RALYL: variants seen among roughly 807,000 people sequenced by gnomAD.
The protein encoded by RALYL is RNA-binding Raly-like protein.
A neutral mutation model predicts 35.1 loss-of-function variants in RALYL; 29 were observed. The ratio of observed to expected loss-of-function variants is 0.83; its 90% CI spans 0.61 to 1.13. The LOEUF is 1.13. RALYL is among the 50% of genes most tolerant of loss of function. The pLI is 0.00. For synonymous variants in RALYL, 120 were observed against 127.6 expected (o/e 0.94, Z 0.40); for missense variants, 359 against 360.4 (o/e 1.00, Z 0.03).
At chr8:84,553,170 T>C (rs2060866390) in intron 2 of RALYL, among the ~76,000 whole-genome samples, 1 of 152,202 alleles carries the variant, frequency 6.6e-6, no homozygotes, top group Non-Finnish European at 1.5e-5. Flanking sequence ...TTTTCTTTTT[T>C]TGGGAGGGGG....
At chr8:84,769,177 T>A (rs1814819501) in intron 2 of RALYL, among the ~76,000 whole-genome samples, 1 of 152,192 alleles carries the variant, frequency 6.6e-6, no homozygotes, top group Non-Finnish European at 1.5e-5. Context: ...TAGAAATCTG[T>A]TTTTATTTTA....
chr8:84,395,587 T>C (rs1001388101), intron 1 of RALYL, among the ~76,000 whole-genome samples: 4 of 151,906 alleles, frequency 2.6e-5, no homozygotes, highest in Admixed American at 6.6e-5. Flanking sequence ...ATCAATAACA[T>C]TTTGTTGTTT....
chr8:84,592,016 T>G (rs1240221125), intron 2 of RALYL, among the ~76,000 whole-genome samples: 2 of 152,174 alleles, frequency 1.3e-5, no homozygotes, highest in African/African-American at 4.8e-5. Context: ...TTTTATATTT[T>G]ATTGTTTCTA....
At chr8:84,454,916 A>G (rs1341366272) in intron 1 of RALYL, among the ~76,000 whole-genome samples, 1 of 152,116 alleles carries the variant, frequency 6.6e-6, no homozygotes, top group Non-Finnish European at 1.5e-5. Context: ...GCTATGTACT[A>G]GAAATTAGAA....
At chr8:84,490,454 A>G (rs2055162575) in intron 1 of RALYL, among the ~76,000 whole-genome samples, 1 of 152,050 alleles carries the variant, frequency 6.6e-6, no homozygotes, top group South Asian at 2.1e-4. Context: ...CCTGAAGCCA[A>G]GCATCTTCGG....
intron 1 of RALYL, among the ~76,000 whole-genome samples, chr8:84,290,202 A>G (rs1838489043): frequency 6.6e-6 from 1 of 152,052 alleles, no homozygotes; most frequent in Non-Finnish European, 1.5e-5. Context: ...AGCAACAACC[A>G]CCCACCTACA....
At chr8:84,749,335 A>G (rs1341872183) in intron 2 of RALYL, among the ~76,000 whole-genome samples, 1 of 148,648 alleles carries the variant, frequency 6.7e-6, no homozygotes, top group Middle Eastern at 3.2e-3. Flanking sequence ...AATTTTTTTT[A>G]TAGACTTCTG....
chr8:84,815,932 G>T (rs1420869655), intron 4 of RALYL, among the ~76,000 whole-genome samples: 7 of 150,878 alleles, frequency 4.6e-5, no homozygotes, highest in Non-Finnish European at 1.0e-4. Context: ...TACTCGGGAG[G>T]TTGAGGCAGC....
intron 1 of RALYL, among the ~76,000 whole-genome samples, chr8:84,250,716 G>A (rs7829111): frequency 0.51 from 77,056 of 151,994 alleles, 19,687 homozygotes; most frequent in East Asian, 0.65. Flanking sequence ...GTCAATGCTG[G>A]TTTTCCTTAG....
chr8:84,413,457 G>A (rs1425072125), intron 1 of RALYL, among the ~76,000 whole-genome samples: 1 of 151,766 alleles, frequency 6.6e-6, no homozygotes, highest in Non-Finnish European at 1.5e-5. Context: ...TTATTTTACT[G>A]ATACCCAAAT....
At chr8:84,385,609 A>G (rs1412689442) in intron 1 of RALYL, among the ~76,000 whole-genome samples, 1 of 151,512 alleles carries the variant, frequency 6.6e-6, no homozygotes, top group Non-Finnish European at 1.5e-5. Context: ...TCATTCTGTT[A>G]CTCCTTTCCT....
chr8:84,682,917 C>A (rs1379497225), intron 2 of RALYL, among the ~76,000 whole-genome samples: 1 of 151,970 alleles, frequency 6.6e-6, no homozygotes, highest in Non-Finnish European at 1.5e-5. Flanking sequence ...TTCTCTAGTT[C>A]TTTTAATTGT....
chr8:84,670,417 A>G (rs753046535), intron 2 of RALYL, among the ~76,000 whole-genome samples: 1 of 151,962 alleles, frequency 6.6e-6, no homozygotes, highest in Non-Finnish European at 1.5e-5. Flanking sequence ...TCCCCCAAAC[A>G]AAGTGATGAT....
intron 1 of RALYL, among the ~76,000 whole-genome samples, chr8:84,237,791 G>T (rs1158106843): frequency 6.6e-6 from 1 of 152,060 alleles, no homozygotes; most frequent in African/African-American, 2.4e-5. Context: ...TTAAGCATTT[G>T]CATATGTGAA....
intron 2 of RALYL, among the ~76,000 whole-genome samples, chr8:84,557,397 G>T (rs1352481242): frequency 6.6e-6 from 1 of 152,170 alleles, no homozygotes; most frequent in South Asian, 2.1e-4. Flanking sequence ...GCAGTTACTG[G>T]GTGGAAAGGA....
intron 2 of RALYL, among the ~76,000 whole-genome samples, chr8:84,697,586 T>C (rs1839395158): frequency 6.6e-6 from 1 of 152,102 alleles, no homozygotes; most frequent in Admixed American, 6.6e-5. Context: ...TATGCACCTC[T>C]AGAATTCTTT....
intron 8 of RALYL, among the ~76,000 whole-genome samples, chr8:84,894,782 C>T (rs910924114): frequency 8.5e-5 from 13 of 152,212 alleles, no homozygotes; most frequent in Non-Finnish European, 1.0e-4. Context: ...ACTTGCTACT[C>T]TTGCCATCTC....
rs78940615 is a variant in RALYL at position 84,692,853 on chromosome 8, A to G, written c.257-81726A>G. On this transcript the variant is annotated intron_variant, in intron 2 of 8. Coordinates refer to ENST00000521268, the MANE Select transcript of RALYL (RefSeq NM_173848.7). The stretch of plus-strand genomic sequence containing the variant: ...TTCTACTGGAGAGGAAGGAGAATCA[A>G]AGTAAGAAAAGGGAGACATGGTAAT... 1.6e-4 allele frequency among the ~76,000 whole-genome samples: 24 copies of G among 152,102 alleles called. No individual in the cohort carries two copies. The East Asian group carries it at 4.5e-3, about 28-fold the overall frequency.
chr8:84,742,130 C>T (rs1376403866), intron 2 of RALYL, among the ~76,000 whole-genome samples: 1 of 151,894 alleles, frequency 6.6e-6, no homozygotes, highest in Non-Finnish European at 1.5e-5. Context: ...GGTAGGGAAA[C>T]ACTGGCAAGG....
Sources: gnomAD v4.1 joint callset for allele counts (sites outside exome capture counted in the v4.1 genomes callset) on GRCh38, gnomAD v4.1.1 for gene constraint, MANE v1.5 for transcripts, NCBI Gene and HGNC (gene_info 2026-07-23, HGNC 2026-07-21) for gene names.